Variants in SOD2 observed in about 807,000 individuals in gnomAD.
The protein encoded by SOD2 is superoxide dismutase 2.
Under a neutral mutation model 27.0 loss-of-function variants are expected in SOD2, and 11 were observed. That is an observed-to-expected ratio of 0.41 (90% CI 0.26 to 0.67). The LOEUF (loss-of-function observed/expected upper bound fraction) is 0.67. SOD2 is among the 30% of genes least tolerant of loss of function. The pLI is 0.34. For missense variants in SOD2, 250 were observed against 274.5 expected, an observed-to-expected ratio of 0.91 and a Z score of 0.63; for synonymous variants, 105 against 103.0, an observed-to-expected ratio of 1.02 and a Z score of -0.12.
intron 1 of SOD2, among the ~76,000 whole-genome samples, chr6:159,704,694 TG>T (rs1308312603): frequency 6.6e-6 from 1 of 152,196 alleles, no homozygotes; most frequent in Non-Finnish European, 1.5e-5. Context: ...ACTCCACCTC[TG>T]GGGGCAGGGC....
At chr6:159,688,281 C>A (rs753878611) in intron 2 of SOD2, 39 bp from the exon 3 acceptor site, 2 of 1,244,550 alleles carry the variant, frequency 1.6e-6, no homozygotes, top group Non-Finnish European at 2.4e-6. Flanking sequence ...TTTGTAACTC[C>A]TACTTTTTCA....
At chr6:159,704,101 C>A (rs577904265) in intron 1 of SOD2, among the ~76,000 whole-genome samples, 1 of 152,172 alleles carries the variant, frequency 6.6e-6, no homozygotes, top group Admixed American at 6.5e-5. Context: ...CTGGCCAACA[C>A]GGTGAAACCC....
At chr6:159,742,733 C>T (rs186886552) in intron 1 of SOD2, among the ~76,000 whole-genome samples, 11 of 152,230 alleles carry the variant, frequency 7.2e-5, no homozygotes, top group African/African-American at 2.6e-4. Flanking sequence ...TTTTGCGTGA[C>T]TGTGTTACCC....
chr6:159,725,493 A>AC (rs1778139006), intron 1 of SOD2: 1 of 151,698 alleles, frequency 6.6e-6, no homozygotes. Context: ...AAAAAAAAAA[A>AC]AACCCAAAGA....
intron 1 of SOD2, among the ~76,000 whole-genome samples, chr6:159,700,259 G>T (rs1350203739): frequency 2.0e-5 from 3 of 152,180 alleles, no homozygotes; most frequent in Non-Finnish European, 2.9e-5. Flanking sequence ...CCACTTTAGA[G>T]AATTAATGGA....
At chr6:159,707,459 C>G (rs1329021759) in intron 1 of SOD2, among the ~76,000 whole-genome samples, 1 of 152,144 alleles carries the variant, frequency 6.6e-6, no homozygotes, top group African/African-American at 2.4e-5. Flanking sequence ...CACAGAAATA[C>G]AAACTACCAT....
At chr6:159,704,511 T>C (rs537071213) in intron 1 of SOD2, among the ~76,000 whole-genome samples, 1 of 152,322 alleles carries the variant, frequency 6.6e-6, no homozygotes, top group South Asian at 2.1e-4. Context: ...GCCACGCCCA[T>C]GGAGCCTTGC....
intron 1 of SOD2, among the ~76,000 whole-genome samples, chr6:159,711,788 CAT>C (rs556214283): frequency 2.3e-5 from 1 of 44,078 alleles, no homozygotes; most frequent in Non-Finnish European, 5.1e-5. Flanking sequence ...CCACCACTCA[CAT>C]TGCTCTGATC....
At chr6:159,694,410 A>T (rs1777377655), upstream of SOD2, among the ~76,000 whole-genome samples, 1 of 152,058 alleles carries the variant, frequency 6.6e-6, no homozygotes, top group South Asian at 2.1e-4. Flanking sequence ...CCGAAGGATG[A>T]CTAGGCTTCC....
At chr6:159,727,808 G>A, upstream of SOD2, 1 of 802,320 alleles carries the variant, frequency 1.2e-6, no homozygotes, top group Non-Finnish European at 1.5e-6. Context: ...GGCCCGAAAG[G>A]CCACACGGGC....
Position 159,692,820 on chromosome 6 carries a change from T to G in SOD2, c.67A>C (p.Arg23=), listed in dbSNP as rs758729654. The change falls in exon 2 of 5, where the codon AGG becomes CGG. Residue 23 remains arginine (R), a synonymous_variant. Transcript: ENST00000538183. ...AGGTCGGGGAGGCTGTGCTTCTGCC[T>G]GGAGCCCAGATACCCCAAAACCGGA... ...LAPVLGYLGS[R]QKHSLPDLPY... is the part of the protein sequence containing the mutation. 2 of 1,613,604 alleles carry G rather than the reference T, an allele frequency of 1.2e-6. No individual in the cohort carries two copies. Among genetic ancestry groups the G allele is most frequent in the African/African-American group, 2.7e-5 (2 of 75,042 alleles).
At chr6:159,696,950 G>A (rs1777431078), upstream of SOD2, among the ~76,000 whole-genome samples, 1 of 151,554 alleles carries the variant, frequency 6.6e-6, no homozygotes, top group South Asian at 2.1e-4. Flanking sequence ...AAGGCAGGAG[G>A]ATCACTTGAG....
At chr6:159,724,180 C>T (rs1778095345) in intron 1 of SOD2, among the ~76,000 whole-genome samples, 1 of 149,720 alleles carries the variant, frequency 6.7e-6, no homozygotes, top group Non-Finnish European at 1.5e-5. Context: ...AAAATGGAGA[C>T]AGGGTCTTGC....
chr6:159,734,727 A>C (rs923138547), intron 1 of SOD2, among the ~76,000 whole-genome samples: 3 of 152,202 alleles, frequency 2.0e-5, no homozygotes, highest in Admixed American at 6.5e-5. Flanking sequence ...TGCCAAATGC[A>C]ATTTAGATGC....
At chr6:159,727,428 T>C, upstream of SOD2, 5 of 1,067,734 alleles carry the variant, frequency 4.7e-6, no homozygotes, top group Non-Finnish European at 5.7e-6. Context: ...CTGCGGCGCG[T>C]TCGGACCGGC....
intron 4 of SOD2, among the ~76,000 whole-genome samples, chr6:159,683,374 A>C (rs191801065): frequency 3.3e-5 from 5 of 152,162 alleles, no homozygotes; most frequent in Admixed American, 1.3e-4. Context: ...AATCCCAGCT[A>C]CTCAGGAAGC....
At chr6:159,753,239 G>A (rs1360359101) in intron 1 of SOD2, 1 of 568,122 alleles carries the variant, frequency 1.8e-6, no homozygotes, top group Non-Finnish European at 3.1e-6. Context: ...AGGTGTAGCT[G>A]TTTGGGCACT....
intron 1 of SOD2, 115 bp downstream of exon 1, chr6:159,693,030 A>C: frequency 1.4e-6 from 2 of 1,439,552 alleles, no homozygotes; most frequent in East Asian, 5.7e-5. Context: ...AACCGCCTGC[A>C]GGTGCCCCGG....
chr6:159,733,216 A>G (rs957568050), intron 1 of SOD2, among the ~76,000 whole-genome samples: 13 of 152,248 alleles, frequency 8.5e-5, no homozygotes, highest in Admixed American at 8.5e-4. Flanking sequence ...AATATGGTTT[A>G]TGTCTTCATA....
Sources: allele counts gnomAD v4.1 joint callset (sites outside exome capture counted in the v4.1 genomes callset), GRCh38; gene constraint gnomAD v4.1.1; transcripts MANE v1.5; gene names NCBI Gene and HGNC (gene_info 2026-07-23, HGNC 2026-07-21).